Variants in ZBTB16 observed in about 807,000 individuals in gnomAD.
The protein encoded by ZBTB16 is zinc finger and BTB domain-containing protein 16.
A neutral mutation model predicts 56.8 loss-of-function variants in ZBTB16; 8 were observed. That is an observed-to-expected ratio of 0.14 (90% CI 0.08 to 0.25). The LOEUF (loss-of-function observed/expected upper bound fraction) is 0.25, where lower values mean the gene tolerates loss of function less well. Among genes scored for constraint, ZBTB16 ranks in the 10% least tolerant of loss-of-function variants. The pLI, the probability that ZBTB16 is intolerant of heterozygous loss-of-function variation, is 1.00. For missense variants in ZBTB16, 625 were observed against 903.0 expected (o/e 0.69, Z 3.95); for synonymous variants, 363 against 368.5 (o/e 0.98, Z 0.17).
intron 2 of ZBTB16, among the ~76,000 whole-genome samples, chr11:114,090,859 TTG>T (rs1173238219): frequency 6.6e-6 from 1 of 152,224 alleles, no homozygotes; most frequent in Non-Finnish European, 1.5e-5. Context: ...CATTTTGTCT[TTG>T]TGGGAAATTT....
In ZBTB16 at chr11:114,119,631, T is replaced by C. The variant is rs116640370; in HGVS notation, c.1269-36706T>C. 4.3e-3 allele frequency among the ~76,000 whole-genome samples: 658 copies of C among 152,256 alleles called. 8 individuals carry two copies. The highest frequency in any genetic ancestry group is 0.017 in the Middle Eastern group (5 of 294). On this transcript the variant is annotated intron_variant, in intron 2 of 6. Transcript: ENST00000335953. ...TCAAGGATGGATAGAAAACTTCTGT[T>C]TGGGTCTCTGCAGTGATGGAGCAAT...
chr11:114,161,798 A>G (rs1942597503), intron 3 of ZBTB16, among the ~76,000 whole-genome samples: 2 of 149,824 alleles, frequency 1.3e-5, no homozygotes, highest in Admixed American at 1.3e-4. Context: ...TGTCTGGAAT[A>G]GAAGGGACTG....
intron 4 of ZBTB16, among the ~76,000 whole-genome samples, chr11:114,197,471 T>C (rs1160450398): frequency 6.6e-6 from 1 of 152,124 alleles, no homozygotes; most frequent in Non-Finnish European, 1.5e-5. Context: ...CTCTCTCTCT[T>C]TGCACTGTGT....
At chr11:114,141,227 A>G (rs1941937382) in intron 2 of ZBTB16, among the ~76,000 whole-genome samples, 1 of 152,126 alleles carries the variant, frequency 6.6e-6, no homozygotes, top group Non-Finnish European at 1.5e-5. Context: ...AGGCTTTTCC[A>G]TTCTTAACAT....
At chr11:114,197,727 A>G (rs922341237) in intron 4 of ZBTB16, among the ~76,000 whole-genome samples, 2 of 151,940 alleles carry the variant, frequency 1.3e-5, no homozygotes, top group Non-Finnish European at 2.9e-5. Flanking sequence ...TTTTATTTTA[A>G]TTATTATTTT....
chr11:114,198,726 C>A (rs1354861860), intron 4 of ZBTB16, among the ~76,000 whole-genome samples: 1 of 152,206 alleles, frequency 6.6e-6, no homozygotes, highest in Non-Finnish European at 1.5e-5. Flanking sequence ...ACATTTGTTA[C>A]AATTGGTGAG....
chr11:114,205,517 A>G (rs903537009), intron 4 of ZBTB16, among the ~76,000 whole-genome samples: 1 of 152,178 alleles, frequency 6.6e-6, no homozygotes, highest in Admixed American at 6.5e-5. Flanking sequence ...GTAGGAGAAG[A>G]TCCATTACAG....
At chr11:114,061,736 C>T (rs1478719887) in intron 1 of ZBTB16, among the ~76,000 whole-genome samples, 1 of 152,162 alleles carries the variant, frequency 6.6e-6, no homozygotes, top group African/African-American at 2.4e-5. Flanking sequence ...TTATTGATCC[C>T]GAACAGGCTC....
rs888072379 is a variant in ZBTB16, at chr11:114,253,766, C to T, written c.*3211C>T. Among the ~76,000 whole-genome samples the T allele has an allele frequency of 1.5e-4, 23 of 152,182 alleles. No homozygotes were observed. The highest frequency in any genetic ancestry group is 5.9e-5 in the Non-Finnish European group (4 of 68,030). On this transcript the variant is annotated 3_prime_UTR_variant, in exon 7 of 7. Transcript: ENST00000335953. ...CAACAACAGAACAGTTCTAATGTTG[C>T]ACGGCCTAGTGGCCAGGGGGCAAGC... is the stretch of plus-strand genomic sequence containing the variant.
intron 4 of ZBTB16, among the ~76,000 whole-genome samples, chr11:114,229,679 C>T (rs1366254805): frequency 6.6e-6 from 1 of 152,104 alleles, no homozygotes; most frequent in African/African-American, 2.4e-5. Flanking sequence ...CTGGAATTGG[C>T]TTTTCATTAT....
At chr11:114,209,820 G>C in intron 4 of ZBTB16, 3 of 985,430 alleles carry the variant, frequency 3.0e-6, no homozygotes, top group Non-Finnish European at 3.6e-6. Context: ...AGGCATTTCT[G>C]ATCAGAGTTC....
intron 3 of ZBTB16, among the ~76,000 whole-genome samples, chr11:114,182,555 A>T (rs2135047627): frequency 1.3e-5 from 2 of 152,258 alleles, no homozygotes; most frequent in East Asian, 3.9e-4. Flanking sequence ...TGTAGGAAGG[A>T]TATGGCAAGT....
chr11:114,135,963 G>C (rs1335931802), intron 2 of ZBTB16, among the ~76,000 whole-genome samples: 1 of 152,148 alleles, frequency 6.6e-6, no homozygotes, highest in African/African-American at 2.4e-5. Context: ...CATCTTCTCT[G>C]TACCCCTCAC....
chr11:114,063,895 A>G lies in ZBTB16; in HGVS notation c.595A>G (p.Thr199Ala). ...ATTTGGTCTTTCAGCCATGAGTCCC[A>G]CCAAGGCTGCAGTGGACAGTTTGAT... ...TSFGLSAMSP[T>A]KAAVDSLMTI... The change falls in exon 2 of 7, where the codon ACC becomes GCC. Residue 199 changes from threonine (T) to alanine (A), a missense_variant. Physicochemically the swap from Thr to Ala is moderately conservative, Grantham distance 58. This residue lies in a region of ZBTB16 where 384 missense variants were observed against 393.5 expected (regional missense o/e 0.98). Transcript: ENST00000335953. This position sits in a 1 kb window ranked among gnomAD's most constrained non-coding sequence, Gnocchi z 6.5. 1 of 1,614,004 alleles carries G rather than the reference A, an allele frequency of 6.2e-7. No homozygotes were observed. Among genetic ancestry groups the G allele is most frequent in the Non-Finnish European group, 8.5e-7 (1 of 1,180,016 alleles).
chr11:114,095,409 C>T (rs866247512), intron 2 of ZBTB16, among the ~76,000 whole-genome samples: 4 of 151,666 alleles, frequency 2.6e-5, no homozygotes, highest in African/African-American at 9.7e-5. Context: ...TACAGGCGCC[C>T]GCCACCACGC....
chr11:114,219,892 T>A (rs1944192685), intron 4 of ZBTB16, among the ~76,000 whole-genome samples: 1 of 152,022 alleles, frequency 6.6e-6, no homozygotes, highest in Non-Finnish European at 1.5e-5. Flanking sequence ...CAGGGTGAGC[T>A]CACCCCCATG....
intron 2 of ZBTB16, among the ~76,000 whole-genome samples, chr11:114,148,183 A>G (rs1942158548): frequency 6.6e-6 from 1 of 151,980 alleles, no homozygotes; most frequent in African/African-American, 2.4e-5. Flanking sequence ...CCTTATCTGC[A>G]AGTGCTGTAT....
At chr11:114,111,045 C>T (rs1940984408) in intron 2 of ZBTB16, among the ~76,000 whole-genome samples, 1 of 152,050 alleles carries the variant, frequency 6.6e-6, no homozygotes, top group Admixed American at 6.6e-5. Flanking sequence ...ATCGTGAGAA[C>T]ATTATCTTTA....
At chr11:114,144,322 A>C (rs1942042871) in intron 2 of ZBTB16, among the ~76,000 whole-genome samples, 1 of 151,398 alleles carries the variant, frequency 6.6e-6, no homozygotes, top group Non-Finnish European at 1.5e-5. Context: ...TGTTGGGAAA[A>C]CTCATAATTT....
Sources: allele counts gnomAD v4.1 joint callset (sites outside exome capture counted in the v4.1 genomes callset), GRCh38; gene constraint gnomAD v4.1.1; regional missense constraint gnomAD v4.1.1; non-coding constraint Gnocchi (gnomAD v3.1); transcripts MANE v1.5; gene names NCBI Gene and HGNC (gene_info 2026-07-23, HGNC 2026-07-21).